NCAM2: variants seen among roughly 807,000 people sequenced by gnomAD.
NCAM2 encodes neural cell adhesion molecule 2, also known as N-CAM-2.
In NCAM2, 30 loss-of-function variants were observed where a neutral mutation model predicts 98.1. The ratio of observed to expected loss-of-function variants is 0.31; its 90% CI spans 0.23 to 0.41. The LOEUF is 0.41. Among genes scored for constraint, NCAM2 ranks in the 10% least tolerant of loss-of-function variants. The probability of loss-of-function intolerance (pLI) is 1.00; values close to 1 mark genes in which losing one functional copy is unlikely to be tolerated. For missense variants in NCAM2, 867 were observed against 1,005.8 expected, an observed-to-expected ratio of 0.86 and a Z score of 1.87; for synonymous variants, 368 against 342.4, an observed-to-expected ratio of 1.07 and a Z score of -0.83.
At chr21:21,486,974 A>G (rs961315943) in intron 15 of NCAM2, among the ~76,000 whole-genome samples, 2 of 152,146 alleles carry the variant, frequency 1.3e-5, no homozygotes, top group Non-Finnish European at 2.9e-5. Flanking sequence ...TTATTCTTAC[A>G]TGAACACCTA....
intron 9 of NCAM2, chr21:21,385,510 A>G: frequency 7.5e-6 from 4 of 533,308 alleles, no homozygotes; most frequent in Non-Finnish European, 1.3e-5. Context: ...AACCATTTAT[A>G]ATTTGATAGA....
intron 5 of NCAM2, among the ~76,000 whole-genome samples, chr21:21,299,269 A>G (rs564254574): frequency 6.6e-6 from 1 of 150,926 alleles, no homozygotes; most frequent in South Asian, 2.1e-4. Context: ...ACTGAAATTC[A>G]CGAATGACCA....
At position 20,998,458 on chromosome 21, in the gene NCAM2, AGCG is replaced by A. The variant is rs1248331036; in HGVS notation, c.-94_-92del. ...CTGCGGGCGGCTGGGGCACCGCGGG[AGCG>A]GCGGCGGCGGCTCTAGCAGAGGCGG... On this transcript the variant is annotated 5_prime_UTR_variant, in exon 1 of 18. Transcript: ENST00000400546. 1.6e-4 allele frequency: 175 copies of A among 1,107,018 alleles called. No individual in the cohort carries two copies. The highest frequency in any genetic ancestry group is 2.7e-4 in the South Asian group (17 of 63,568). The allele number at this position is 1,107,018 out of a possible 1,614,324, so 68.6% of individuals were successfully genotyped here.
At chr21:21,389,897 T>C (rs2076344357) in intron 9 of NCAM2, among the ~76,000 whole-genome samples, 1 of 152,220 alleles carries the variant, frequency 6.6e-6, no homozygotes, top group Non-Finnish European at 1.5e-5. Flanking sequence ...GTTGCCAGGC[T>C]ATAGTGCAGT....
At chr21:21,101,309 AAC>A (rs2066235977) in intron 1 of NCAM2, among the ~76,000 whole-genome samples, 2 of 152,088 alleles carry the variant, frequency 1.3e-5, no homozygotes, top group African/African-American at 4.8e-5. Flanking sequence ...AAATACAGCA[AAC>A]ACATAATCAT....
intron 15 of NCAM2, among the ~76,000 whole-genome samples, chr21:21,483,637 A>T (rs1250374508): frequency 6.6e-6 from 1 of 152,122 alleles, no homozygotes; most frequent in Non-Finnish European, 1.5e-5. Context: ...AAAAATTCTA[A>T]AACAATGGTG....
At chr21:21,377,702 T>C (rs2076064214) in intron 9 of NCAM2, among the ~76,000 whole-genome samples, 1 of 151,934 alleles carries the variant, frequency 6.6e-6, no homozygotes, top group African/African-American at 2.4e-5. Flanking sequence ...GGTGAGACAT[T>C]TAAAATTTAC....
At chr21:21,251,742 A>ATT (rs1343023554) in intron 1 of NCAM2, among the ~76,000 whole-genome samples, 27 of 26,416 alleles carry the variant, frequency 1.0e-3, no homozygotes, top group African/African-American at 2.5e-3. Context: ...CCACTTTTTG[A>ATT]TGTTTTTTTT....
chr21:21,298,588 CAGAT>C (rs58405004), intron 5 of NCAM2, among the ~76,000 whole-genome samples: 13,191 of 147,522 alleles, frequency 0.089, 612 homozygotes, highest in Non-Finnish European at 0.11. Context: ...ATGATAGATA[CAGAT>C]AGATAGATAG....
intron 1 of NCAM2, among the ~76,000 whole-genome samples, chr21:21,101,244 A>G (rs1264889726): frequency 6.6e-6 from 1 of 152,076 alleles, no homozygotes; most frequent in Non-Finnish European, 1.5e-5. Context: ...CATATCCATA[A>G]GCTGTAAACA....
At chr21:21,044,468 G>T (rs1202839795) in intron 1 of NCAM2, among the ~76,000 whole-genome samples, 1 of 152,036 alleles carries the variant, frequency 6.6e-6, no homozygotes, top group African/African-American at 2.4e-5. Flanking sequence ...GGTAACTATG[G>T]TTCATTATTA....
At chr21:21,153,436 A>G (rs1335042657) in intron 1 of NCAM2, among the ~76,000 whole-genome samples, 1 of 151,884 alleles carries the variant, frequency 6.6e-6, no homozygotes, top group Non-Finnish European at 1.5e-5. Flanking sequence ...ATATATGCAT[A>G]ACTGAATTAC....
intron 1 of NCAM2, among the ~76,000 whole-genome samples, chr21:21,254,372 A>G (rs934814480): frequency 2.0e-5 from 3 of 152,200 alleles, no homozygotes; most frequent in African/African-American, 7.2e-5. Flanking sequence ...TTGAGCTTTT[A>G]ATCACTCATA....
At chr21:21,081,099 C>T (rs2065788784) in intron 1 of NCAM2, among the ~76,000 whole-genome samples, 1 of 152,120 alleles carries the variant, frequency 6.6e-6, no homozygotes, top group South Asian at 2.1e-4. Context: ...TGTCCACGTG[C>T]ACAGTGGCCT....
At chr21:21,135,567 C>T (rs1342539571) in intron 1 of NCAM2, among the ~76,000 whole-genome samples, 3 of 152,144 alleles carry the variant, frequency 2.0e-5, no homozygotes, top group East Asian at 3.9e-4. Context: ...TCTTGTCACT[C>T]GAAGCTCTTC....
chr21:21,426,236 A>G (rs1044151566), intron 11 of NCAM2, among the ~76,000 whole-genome samples: 16 of 152,208 alleles, frequency 1.1e-4, no homozygotes, highest in African/African-American at 3.9e-4. Flanking sequence ...AAAAATGTAT[A>G]TAAAACCTTA....
intron 5 of NCAM2, among the ~76,000 whole-genome samples, chr21:21,294,669 T>C (rs577614904): frequency 6.6e-6 from 1 of 151,996 alleles, no homozygotes; most frequent in East Asian, 1.9e-4. Context: ...GAGGATGCAG[T>C]TGGACACTGC....
chr21:21,413,654 TA>T (rs11302202), intron 10 of NCAM2, among the ~76,000 whole-genome samples: 33,995 of 152,170 alleles, frequency 0.22, 4,156 homozygotes, highest in East Asian at 0.32. Context: ...GCATGATGTA[TA>T]AAAAGGTCTA....
chr21:21,468,563 C>A, intron 13 of NCAM2, 99 bp from the exon 14 acceptor site: 1 of 1,173,292 alleles, frequency 8.5e-7, no homozygotes, highest in Non-Finnish European at 1.2e-6. Flanking sequence ...AGGATAACAC[C>A]ATATATTTTG....
Sources: gnomAD v4.1 joint callset for allele counts (sites outside exome capture counted in the v4.1 genomes callset) on GRCh38, gnomAD v4.1.1 for gene constraint, MANE v1.5 for transcripts, NCBI Gene and HGNC (gene_info 2026-07-23, HGNC 2026-07-21) for gene names.